The following GPHN variants were observed in gnomAD, a reference collection of about 807,000 sequenced individuals.
GPHN encodes gephyrin.
In GPHN, 17 loss-of-function variants were observed where a neutral mutation model predicts 95.5. The observed-to-expected ratio is 0.18, with a 90% confidence interval of 0.12 to 0.27. The LOEUF is 0.27. GPHN is among the 10% of genes least tolerant of loss of function. GPHN has a pLI of 1.00. For synonymous variants in GPHN, 320 were observed against 322.5 expected, an observed-to-expected ratio of 0.99 and a Z score of 0.08; for missense variants, 660 against 978.1, an observed-to-expected ratio of 0.67 and a Z score of 4.34.
chr14:66,659,600 G>C (rs146793540), intron 1 of GPHN, among the ~76,000 whole-genome samples: 67 of 151,836 alleles, frequency 4.4e-4, no homozygotes, highest in South Asian at 2.1e-3. Context: ...TTGCAGCTTT[G>C]TTGTTTGTTA....
intron 4 of GPHN, among the ~76,000 whole-genome samples, chr14:66,874,447 A>G (rs2063567361): frequency 6.6e-6 from 1 of 152,186 alleles, no homozygotes; most frequent in South Asian, 2.1e-4. Context: ...GGTGGGTAAT[A>G]AAAAACTCCT....
rs558524149 is a variant in GPHN, at chr14:66,849,194, C to G, written c.294+24628C>G. 3.0e-4 allele frequency among the ~76,000 whole-genome samples: 45 copies of G among 151,906 alleles called. 1 individual carries two copies. The South Asian group carries it at 7.3e-3, about 25-fold the overall frequency. On this transcript the variant is annotated intron_variant, in intron 4 of 22. Transcript: ENST00000478722. ...ACTCCAGATCCCTTGCTCTTAGCCA[C>G]TCTCCTTTTCATATAATGTAAGCTT...
chr14:67,301,057 A>C, the GPHN span, among the ~76,000 whole-genome samples: 5 of 152,258 alleles, frequency 3.3e-5, no homozygotes, highest in South Asian at 8.3e-4. Flanking sequence ...TAAAAACTAT[A>C]AAATAGCAAG....
the GPHN span, among the ~76,000 whole-genome samples, chr14:67,699,325 C>T: frequency 4.0e-5 from 6 of 150,370 alleles, no homozygotes; most frequent in African/African-American, 7.3e-5. Context: ...AAGGCCAAGG[C>T]GGGAGGATCA....
chr14:66,614,866 A>T (rs2062936525), intron 1 of GPHN, among the ~76,000 whole-genome samples: 1 of 151,928 alleles, frequency 6.6e-6, no homozygotes, highest in Non-Finnish European at 1.5e-5. Flanking sequence ...TCCTTCCCCT[A>T]ACCGCTCATC....
chr14:67,306,297 T>G, the GPHN span, among the ~76,000 whole-genome samples: 3 of 151,652 alleles, frequency 2.0e-5, no homozygotes, highest in Admixed American at 2.0e-4. Context: ...TAGGGATCTT[T>G]TCAGAATAGA....
intron 2 of GPHN, among the ~76,000 whole-genome samples, chr14:66,746,998 C>T (rs2058176842): frequency 6.6e-6 from 1 of 152,110 alleles, no homozygotes; most frequent in South Asian, 2.1e-4. Context: ...GAGATTTCTC[C>T]TACTCTTTCT....
chr14:67,584,268 G>C, the GPHN span: 1 of 747,562 alleles, frequency 1.3e-6, no homozygotes, highest in Non-Finnish European at 2.2e-6. Context: ...GCCTAGTCCA[G>C]CTTTCCACAG....
At chr14:67,552,350 G>A in the GPHN span, among the ~76,000 whole-genome samples, 1 of 152,198 alleles carries the variant, frequency 6.6e-6, no homozygotes, top group Admixed American at 6.5e-5. Flanking sequence ...AGAAAGATCT[G>A]CCCTCGTGAA....
intron 5 of GPHN, among the ~76,000 whole-genome samples, chr14:66,885,838 T>TA (rs33968959): frequency 0.27 from 37,025 of 137,778 alleles, 9,290 homozygotes; most frequent in African/African-American, 0.63. Context: ...TATAACAATT[T>TA]AAAAAAAAAA....
chr14:66,700,077 A>T (rs2068419159), intron 2 of GPHN, among the ~76,000 whole-genome samples: 1 of 152,196 alleles, frequency 6.6e-6, no homozygotes, highest in Admixed American at 6.5e-5. Context: ...TATACGGGCT[A>T]TTCAACATGA....
intron 21 of GPHN, among the ~76,000 whole-genome samples, chr14:67,178,665 T>G (rs1855165915): frequency 6.6e-6 from 1 of 152,168 alleles, no homozygotes; most frequent in Non-Finnish European, 1.5e-5. Flanking sequence ...GGAAATTTAT[T>G]TAATGAAATA....
At chr14:67,338,810 T>A in the GPHN span, 5 of 1,517,974 alleles carry the variant, frequency 3.3e-6, no homozygotes, top group African/African-American at 4.2e-5. Context: ...GTTTCAATAT[T>A]AAGTAGATTT....
intron 17 of GPHN, among the ~76,000 whole-genome samples, chr14:67,138,656 GT>G (rs1340857459): frequency 5.9e-5 from 9 of 152,026 alleles, no homozygotes; most frequent in Non-Finnish European, 1.2e-4. Context: ...ATACTGTTAT[GT>G]TGGAAATGTT....
At chr14:67,364,764 C>A in the GPHN span, 11 of 1,605,828 alleles carry the variant, frequency 6.9e-6, no homozygotes, top group Non-Finnish European at 9.4e-6. Context: ...GTTTAAATTG[C>A]AGAATGCCGG....
At chr14:66,793,086 G>A (rs538176617) in intron 3 of GPHN, among the ~76,000 whole-genome samples, 1 of 152,368 alleles carries the variant, frequency 6.6e-6, no homozygotes, top group Admixed American at 6.5e-5. Flanking sequence ...CAACCTTCCG[G>A]CGTGGGCCTT....
At chr14:66,522,914 A>G (rs1407746103) in intron 1 of GPHN, among the ~76,000 whole-genome samples, 2 of 152,136 alleles carry the variant, frequency 1.3e-5, no homozygotes, top group Non-Finnish European at 2.9e-5. Flanking sequence ...ATGTGGGGAA[A>G]GAACACTGGA....
chr14:67,238,995 T>C, the GPHN span, among the ~76,000 whole-genome samples: 1 of 152,202 alleles, frequency 6.6e-6, no homozygotes, highest in South Asian at 2.1e-4. Context: ...CCCTTCTGAA[T>C]TGTTATAGCA....
chr14:67,279,372 C>T, the GPHN span: 35 of 1,613,254 alleles, frequency 2.2e-5, no homozygotes, highest in Non-Finnish European at 2.8e-5. Context: ...GGACATGAGG[C>T]GTAGGAGAGA....
Sources: gnomAD v4.1 joint callset for allele counts (sites outside exome capture counted in the v4.1 genomes callset) on GRCh38, gnomAD v4.1.1 for gene constraint, MANE v1.5 for transcripts, NCBI Gene and HGNC (gene_info 2026-07-23, HGNC 2026-07-21) for gene names.